Variants in LIMCH1 observed in about 807,000 individuals in gnomAD.
LIMCH1 encodes the protein LIM and calponin homology domains-containing protein 1.
Under a neutral mutation model 176.5 loss-of-function variants are expected in LIMCH1, and 113 were observed. The ratio of observed to expected loss-of-function variants is 0.64; its 90% CI spans 0.55 to 0.75. LIMCH1 has a LOEUF of 0.75. Among genes scored for constraint, LIMCH1 ranks in the 30% least tolerant of loss-of-function variants. The pLI is 0.00. For synonymous variants in LIMCH1, 619 were observed against 645.9 expected, an observed-to-expected ratio of 0.96 and a Z score of 0.63; for missense variants, 1,674 against 1,814.9, an observed-to-expected ratio of 0.92 and a Z score of 1.41.
At chr4:41,377,480 A>G (rs2054941647) in intron 1 of LIMCH1, among the ~76,000 whole-genome samples, 1 of 152,112 alleles carries the variant, frequency 6.6e-6, no homozygotes. Context: ...TTTTCCAGTA[A>G]TACTCTCATC....
chr4:41,438,445 C>T (rs1310436117), intron 1 of LIMCH1, among the ~76,000 whole-genome samples: 1 of 151,938 alleles, frequency 6.6e-6, no homozygotes, highest in Non-Finnish European at 1.5e-5. Context: ...TCACTGCAGC[C>T]TCCATTTCCC....
rs57517524 is a variant in LIMCH1, at chr4:41,460,458, CTA to C, written c.97-34058_97-34057del. Among the ~76,000 whole-genome samples the C allele has an allele frequency of 2.7e-3, 302 of 110,456 alleles. 15 individuals are homozygous for C. Among genetic ancestry groups the C allele is most frequent in the African/African-American group, 9.5e-3 (240 of 25,234 alleles). 72.5% of individuals were successfully genotyped at this position (110,456 alleles called of 152,430 possible). The stretch of plus-strand genomic sequence containing the variant: ...AAATTTGTTCCACTATAGTAATCAT[CTA>C]TATATATATATATATATATCTTATA... On this transcript the variant is annotated intron_variant, in intron 1 of 26. Coordinates refer to the LIMCH1 transcript ENST00000313860.
At chr4:41,613,239 TAA>T in intron 4 of LIMCH1, 1 of 927,134 alleles carries the variant, frequency 1.1e-6, no homozygotes, top group Non-Finnish European at 1.6e-6. Context: ...GGGATTTTTT[TAA>T]AAAAAACGTT....
rs533598565 is a variant in LIMCH1 at position 41,663,174 on chromosome 4, A to T, written c.3291+190A>T. Among the ~76,000 whole-genome samples the T allele has an allele frequency of 3.8e-3, 330 of 86,040 alleles. 2 individuals carry two copies. Among genetic ancestry groups the T allele is most frequent in the African/African-American group, 0.015 (315 of 21,244 alleles). 56.4% of individuals were successfully genotyped at this position (86,040 alleles called of 152,430 possible). On this transcript the variant is annotated intron_variant, in intron 20 of 31. Transcript: ENST00000503057. ...GTGTGTGTGTGTGTGTGTGTGTGTG[A>T]TGGAGTTTTGCTCTTGTTGCCCAGG...
chr4:41,463,986 G>A (rs1332771171), intron 1 of LIMCH1, among the ~76,000 whole-genome samples: 1 of 152,004 alleles, frequency 6.6e-6, no homozygotes, highest in Non-Finnish European at 1.5e-5. Flanking sequence ...ACAAAGTGCT[G>A]GGATTACGGC....
chr4:41,635,681 A>T (rs2152888300), intron 13 of LIMCH1, among the ~76,000 whole-genome samples: 1 of 152,346 alleles, frequency 6.6e-6, no homozygotes, highest in East Asian at 1.9e-4. Flanking sequence ...TCCTATCAAC[A>T]AGTGTTTATC....
At chr4:41,428,272 T>C (rs1369761367) in intron 1 of LIMCH1, among the ~76,000 whole-genome samples, 1 of 152,216 alleles carries the variant, frequency 6.6e-6, no homozygotes, top group Non-Finnish European at 1.5e-5. Context: ...ACCTTGGTTA[T>C]ATCACTTAAC....
At chr4:41,635,174 C>G (rs555906566) in intron 13 of LIMCH1, among the ~76,000 whole-genome samples, 1 of 152,178 alleles carries the variant, frequency 6.6e-6, no homozygotes, top group East Asian at 1.9e-4. Flanking sequence ...GCATCCCTCT[C>G]CAGCATGATG....
Position 41,692,361 on chromosome 4 carries a change from A to G in LIMCH1, c.4355A>G (p.Asn1452Ser). 3 of 1,611,672 alleles carry G rather than the reference A, an allele frequency of 1.9e-6. No homozygotes were observed. The highest frequency in any genetic ancestry group is 2.5e-6 in the Non-Finnish European group (3 of 1,177,932). The stretch of plus-strand genomic sequence containing the variant: ...ATTCGAAATGGTCTCCTGAACTGTA[A>G]TGATTGCTACATGCGATCCAGAAGT... ...VRIRNGLLNC[N>S]DCYMRSRSAG... The change falls in exon 31 of 32, where the codon AAT becomes AGT. Residue 1452 changes from asparagine (N) to serine (S), a missense_variant. Around this residue, in one of 3 missense-constraint regions of LIMCH1, gnomAD observed 1,015 missense variants for 1,102.5 expected, o/e 0.92. Transcript: ENST00000503057.
intron 31 of LIMCH1, among the ~76,000 whole-genome samples, chr4:41,696,214 A>G (rs1364797218): frequency 6.6e-6 from 1 of 152,218 alleles, no homozygotes; most frequent in Non-Finnish European, 1.5e-5. Context: ...ATGGAAATGG[A>G]CGTGCAAAAC....
intron 3 of LIMCH1, among the ~76,000 whole-genome samples, chr4:41,532,032 C>T (rs755472677): frequency 4.6e-5 from 7 of 152,162 alleles, no homozygotes; most frequent in Non-Finnish European, 1.0e-4. Flanking sequence ...TGAGAAACCT[C>T]GGTTGCGTTC....
chr4:41,441,673 C>T (rs1344126706), intron 1 of LIMCH1, among the ~76,000 whole-genome samples: 5 of 152,042 alleles, frequency 3.3e-5, no homozygotes, highest in Admixed American at 2.6e-4. Flanking sequence ...TGAATAGTGC[C>T]ATTTCATTTA....
chr4:41,610,063 C>T (rs1449969355), intron 4 of LIMCH1, among the ~76,000 whole-genome samples: 1 of 152,238 alleles, frequency 6.6e-6, no homozygotes, highest in African/African-American at 2.4e-5. Context: ...TGCCATTCAG[C>T]TCCCAGCTCT....
intron 2 of LIMCH1, among the ~76,000 whole-genome samples, chr4:41,600,836 C>A (rs1198505171): frequency 6.6e-6 from 1 of 152,126 alleles, no homozygotes; most frequent in African/African-American, 2.4e-5. Context: ...GGAAAGAAAT[C>A]TAAAGGGGAA....
At chr4:41,629,814 T>C (rs2093210048) in intron 9 of LIMCH1, 80 bp downstream of exon 9, 3 of 1,406,170 alleles carry the variant, frequency 2.1e-6, no homozygotes, top group Admixed American at 5.3e-5. Context: ...TATCTTTGTG[T>C]CTTTTTTTTT....
intron 1 of LIMCH1, among the ~76,000 whole-genome samples, chr4:41,379,112 A>G (rs1268617162): frequency 6.6e-6 from 1 of 152,232 alleles, no homozygotes; most frequent in Non-Finnish European, 1.5e-5. Flanking sequence ...TATAGTTTCT[A>G]TGAGTCAGAA....
intron 18 of LIMCH1, among the ~76,000 whole-genome samples, chr4:41,652,891 TC>T (rs1162006451): frequency 6.6e-6 from 1 of 152,182 alleles, no homozygotes; most frequent in Non-Finnish European, 1.5e-5. Flanking sequence ...AGGTCTAAAC[TC>T]AGAAAAGCCT....
chr4:41,460,010 T>G (rs184153317), intron 1 of LIMCH1, among the ~76,000 whole-genome samples: 10 of 152,248 alleles, frequency 6.6e-5, no homozygotes, highest in African/African-American at 1.4e-4. Context: ...TCAGTGAGAC[T>G]TTCTTACCTG....
At chr4:41,437,713 T>A (rs144638080) in intron 1 of LIMCH1, among the ~76,000 whole-genome samples, 20 of 152,366 alleles carry the variant, frequency 1.3e-4, no homozygotes, top group African/African-American at 4.6e-4. Flanking sequence ...GTTGAAGTTA[T>A]CTGTGTTTAC....
Sources: gnomAD v4.1 joint callset for allele counts (sites outside exome capture counted in the v4.1 genomes callset) on GRCh38, gnomAD v4.1.1 for gene constraint, gnomAD v4.1.1 regional missense constraint, MANE v1.5 for transcripts, NCBI Gene and HGNC (gene_info 2026-07-23, HGNC 2026-07-21) for gene names.